Variants in LRRC8B observed in about 807,000 individuals in gnomAD.
LRRC8B encodes volume-regulated anion channel subunit LRRC8B.
In LRRC8B, 23 loss-of-function variants were observed where a neutral mutation model predicts 58.8. The ratio of observed to expected loss-of-function variants is 0.39; its 90% confidence interval spans 0.28 to 0.55. LRRC8B has a LOEUF of 0.55. Ranked by LOEUF, LRRC8B falls within the 20% of genes least tolerant of loss-of-function variation. The pLI, the probability that LRRC8B is intolerant of heterozygous loss-of-function variation, is 0.62. For missense variants in LRRC8B, 694 were observed against 936.0 expected, an observed-to-expected ratio of 0.74 and a Z score of 3.37; for synonymous variants, 359 against 374.1, an observed-to-expected ratio of 0.96 and a Z score of 0.47.
intron 1 of LRRC8B, among the ~76,000 whole-genome samples, chr1:89,533,081 C>T (rs724753): frequency 0.19 from 28,190 of 152,134 alleles, 3,410 homozygotes; most frequent in South Asian, 0.3. Flanking sequence ...GGAACACTGC[C>T]AGTTATCTTC....
rs1652615211 is a variant in LRRC8B, at chr1:89,561,131, T to C, written c.-240-7116T>C. 2.6e-5 allele frequency among the ~76,000 whole-genome samples: 4 copies of C among 151,900 alleles called. 1 individual carries two copies. In the South Asian group the frequency reaches 6.3e-4, roughly 24 times the overall value. ...GTGGTTTTGATTTGCATTTCTCTGATGGCCAGTGATGATGAGCATTTTTTC... is the reference window on the plus strand; with the variant it reads ...GTGGTTTTGATTTGCATTTCTCTGACGGCCAGTGATGATGAGCATTTTTTC... On this transcript the variant is annotated intron_variant, in intron 1 of 5. Transcript: ENST00000330947.
intron 5 of LRRC8B, among the ~76,000 whole-genome samples, chr1:89,590,961 G>T (rs1453643068): frequency 1.3e-5 from 2 of 152,142 alleles, no homozygotes; most frequent in East Asian, 3.9e-4. Context: ...GTAACTGGTG[G>T]GTAGAGGCTG....
intron 1 of LRRC8B, among the ~76,000 whole-genome samples, chr1:89,535,792 GA>G (rs1019159325): frequency 2.0e-5 from 3 of 149,922 alleles, no homozygotes; most frequent in Non-Finnish European, 3.0e-5. Context: ...AATCCCACTG[GA>G]AAAAAAAATG....
chr1:89,591,835 C>T (rs61801424), intron 5 of LRRC8B, among the ~76,000 whole-genome samples: 29,210 of 152,000 alleles, frequency 0.19, 3,402 homozygotes, highest in South Asian at 0.33. Flanking sequence ...TACATTATTT[C>T]ATAGTTTTTG....
intron 1 of LRRC8B, among the ~76,000 whole-genome samples, chr1:89,565,556 C>T (rs997294640): frequency 6.6e-6 from 1 of 152,294 alleles, no homozygotes; most frequent in Admixed American, 6.5e-5. Flanking sequence ...GATGGAAATG[C>T]CTGAGGCTCT....
intron 3 of LRRC8B, among the ~76,000 whole-genome samples, chr1:89,577,968 G>A (rs562055132): frequency 6.6e-6 from 1 of 152,290 alleles, no homozygotes; most frequent in South Asian, 2.1e-4. Context: ...GGTCTGGTGT[G>A]CATGAGGTTG....
At chr1:89,552,126 T>C (rs1651870601) in intron 1 of LRRC8B, among the ~76,000 whole-genome samples, 1 of 152,230 alleles carries the variant, frequency 6.6e-6, no homozygotes, top group African/African-American at 2.4e-5. Flanking sequence ...GATCACTTGC[T>C]GAAGTCATAG....
At chr1:89,541,745 AAAAAG>A in intron 1 of LRRC8B, among the ~76,000 whole-genome samples, 1 of 126,088 alleles carries the variant, frequency 7.9e-6, no homozygotes, top group Admixed American at 8.6e-5. Context: ...AAAAAAAAAA[AAAAAG>A]CTGGCTGTCT....
intron 1 of LRRC8B, among the ~76,000 whole-genome samples, chr1:89,567,859 A>C (rs751903917): frequency 1.3e-5 from 2 of 152,176 alleles, no homozygotes; most frequent in African/African-American, 4.8e-5. Context: ...TGTGTGAACT[A>C]TATGTTTCCA....
intron 1 of LRRC8B, among the ~76,000 whole-genome samples, chr1:89,531,737 C>T (rs539966252): frequency 1.3e-3 from 201 of 152,364 alleles, no homozygotes; most frequent in Non-Finnish European, 2.4e-3. Context: ...GACAGCTTTA[C>T]TGGCCTACTT....
chr1:89,549,192 G>A (rs1166964234), intron 1 of LRRC8B, among the ~76,000 whole-genome samples: 1 of 152,128 alleles, frequency 6.6e-6, no homozygotes, highest in Non-Finnish European at 1.5e-5. Context: ...GACAGATAAT[G>A]TAGGAAAAAC....
At chr1:89,580,390 C>G (rs1048019691) in intron 4 of LRRC8B, among the ~76,000 whole-genome samples, 3 of 152,210 alleles carry the variant, frequency 2.0e-5, no homozygotes, top group Non-Finnish European at 4.4e-5. Flanking sequence ...ATGTTATAAT[C>G]AGTATTTCAG....
Position 89,584,305 on chromosome 1 carries a change from TC to T in LRRC8B, c.1658del (p.Pro553HisfsTer26), listed in dbSNP as rs1402948726. 6.2e-7 allele frequency: 1 copy of T among 1,613,968 alleles called. No homozygotes were observed. On this transcript the variant is annotated frameshift_variant, in exon 5 of 6. Transcript: ENST00000330947. LOFTEE classifies it high-confidence loss of function. ...TLYLKSSLSR[I>X]PQVVTDLLPS... is the part of the protein sequence containing the mutation. ...TACTTGAAGAGCAGCCTCTCCCGGA[TC>T]CCACAAGTTGTTACAGACCTCCTGC...
intron 1 of LRRC8B, among the ~76,000 whole-genome samples, chr1:89,542,945 G>T (rs1651127679): frequency 6.6e-6 from 1 of 152,118 alleles, no homozygotes; most frequent in Non-Finnish European, 1.5e-5. Context: ...TTTATCTTTT[G>T]TAAGTTGTCA....
At chr1:89,577,367 A>C (rs1570630939) in intron 3 of LRRC8B, among the ~76,000 whole-genome samples, 3 of 152,312 alleles carry the variant, frequency 2.0e-5, no homozygotes, top group Admixed American at 2.0e-4. Context: ...AAGTGAATTC[A>C]TGTGTTTTGA....
At chr1:89,587,581 C>T (rs1049110067) in intron 5 of LRRC8B, among the ~76,000 whole-genome samples, 23 of 152,146 alleles carry the variant, frequency 1.5e-4, no homozygotes, top group African/African-American at 5.6e-4. Flanking sequence ...CATAGTTAGA[C>T]ATGCATATAC....
At chr1:89,528,882 T>G (rs1356066651) in intron 1 of LRRC8B, among the ~76,000 whole-genome samples, 1 of 152,242 alleles carries the variant, frequency 6.6e-6, no homozygotes, top group Non-Finnish European at 1.5e-5. Flanking sequence ...AATTCCTGGA[T>G]GCTGTCATAT....
At chr1:89,576,971 C>G (rs1220924144) in intron 3 of LRRC8B, among the ~76,000 whole-genome samples, 1 of 152,042 alleles carries the variant, frequency 6.6e-6, no homozygotes, top group Non-Finnish European at 1.5e-5. Context: ...TGCATTGTTT[C>G]CTAGAGAGAG....
At chr1:89,526,340 G>C (rs1419362565) in intron 1 of LRRC8B, among the ~76,000 whole-genome samples, 1 of 152,108 alleles carries the variant, frequency 6.6e-6, no homozygotes, top group African/African-American at 2.4e-5. Flanking sequence ...TCAGCCTCCC[G>C]AGTAGCGGGG....
Sources: allele counts gnomAD v4.1 joint callset (sites outside exome capture counted in the v4.1 genomes callset), GRCh38; gene constraint gnomAD v4.1.1; transcripts MANE v1.5; gene names NCBI Gene and HGNC (gene_info 2026-07-23, HGNC 2026-07-21).